NEMP2: variants seen among roughly 807,000 people sequenced by gnomAD.
NEMP2 encodes nuclear envelope integral membrane protein 2.
A neutral mutation model predicts 54.2 loss-of-function variants in NEMP2; 53 were observed. The ratio of observed to expected loss-of-function variants is 0.98; its 90% CI spans 0.78 to 1.23. The LOEUF (loss-of-function observed/expected upper bound fraction) is 1.23, where lower values mean the gene tolerates loss of function less well. Among genes scored for constraint, NEMP2 ranks in the 50% most tolerant of loss-of-function variants. The probability of loss-of-function intolerance (pLI) is 0.00; values close to 1 mark genes in which losing one functional copy is unlikely to be tolerated. For missense variants in NEMP2, 455 were observed against 511.3 expected (o/e 0.89, Z 1.06); for synonymous variants, 197 against 190.3 (o/e 1.04, Z -0.29).
At chr2:190,541,392 G>A in the NEMP2 span, among the ~76,000 whole-genome samples, 3 of 152,032 alleles carry the variant, frequency 2.0e-5, no homozygotes, top group African/African-American at 7.2e-5. The surrounding 1 kb of genome is among the most constrained non-coding windows in gnomAD (Gnocchi z 5.2). Context: ...TCTTACTACT[G>A]TTATTGCTGT....
At chr2:190,495,368 C>T in the NEMP2 span, among the ~76,000 whole-genome samples, 98,363 of 152,060 alleles carry the variant, frequency 0.65, 32,177 homozygotes, top group East Asian at 0.91. The surrounding 1 kb of genome is among the most constrained non-coding windows in gnomAD (Gnocchi z 4.7). Flanking sequence ...CAAATGGAAA[C>T]ATATCCCATG....
At chr2:190,602,007 G>C in the NEMP2 span, among the ~76,000 whole-genome samples, 9 of 152,272 alleles carry the variant, frequency 5.9e-5, no homozygotes, top group East Asian at 1.7e-3. Flanking sequence ...TACAACTCAA[G>C]CTGGCTAAAA....
At chr2:190,572,873 ATATG>A in the NEMP2 span, among the ~76,000 whole-genome samples, 29 of 110,314 alleles carry the variant, frequency 2.6e-4, no homozygotes, top group East Asian at 1.4e-3. Flanking sequence ...ATATATATAT[ATATG>A]TATATATTTT....
the NEMP2 span, among the ~76,000 whole-genome samples, chr2:190,483,949 G>A: frequency 6.6e-5 from 10 of 152,080 alleles, no homozygotes; most frequent in Non-Finnish European, 1.5e-4. Flanking sequence ...TTGGCAGTAG[G>A]TAGTGTGGAT....
chr2:190,546,133 A>G, the NEMP2 span, among the ~76,000 whole-genome samples: 1 of 152,246 alleles, frequency 6.6e-6, no homozygotes, highest in Non-Finnish European at 1.5e-5. This position sits in a 1 kb window ranked among gnomAD's most constrained non-coding sequence, Gnocchi z 5.1. Flanking sequence ...AGTGGAATGT[A>G]TAAATAATTC....
rs1208273688 is a variant in NEMP2, at chr2:190,505,206, TAATA to T, written c.*3979_*3982del. 1 of 152,180 alleles carries T rather than the reference TAATA, an allele frequency of 6.6e-6. No individual in the cohort carries two copies. Among genetic ancestry groups the T allele is most frequent in the African/African-American group, 2.4e-5 (1 of 41,454 alleles). 9.4% of individuals were successfully genotyped at this position (152,180 alleles called of 1,614,324 possible). Reference sequence around the variant, plus strand: ...TTCCTTCACTTTCTTAAAAAGATGGTAATAAATAAAGGAAGTAGAATATGAGCCC... The same window carrying T: ...TTCCTTCACTTTCTTAAAAAGATGGTAATAAAGGAAGTAGAATATGAGCCC... On this transcript the variant is annotated 3_prime_UTR_variant, in exon 9 of 9. Transcript: ENST00000409150. The surrounding 1 kb of genome is among the most constrained non-coding windows in gnomAD (Gnocchi z 5.8).
the NEMP2 span, among the ~76,000 whole-genome samples, chr2:190,585,995 C>T: frequency 6.6e-6 from 1 of 152,206 alleles, no homozygotes; most frequent in East Asian, 1.9e-4. The surrounding 1 kb of genome is among the most constrained non-coding windows in gnomAD (Gnocchi z 5.3). Flanking sequence ...TGCTTATTGC[C>T]CACACAGAGA....
chr2:190,512,989 A>T lies in NEMP2; in HGVS notation c.953+1464T>A, dbSNP rs1266240305. 6.6e-6 allele frequency among the ~76,000 whole-genome samples: 1 copy of T among 152,152 alleles called. No homozygotes were observed. The highest frequency in any genetic ancestry group is 1.9e-4 in the East Asian group (1 of 5,188). On this transcript the variant is annotated intron_variant, in intron 7 of 8. Transcript: ENST00000409150. The surrounding 1 kb of genome is among the most constrained non-coding windows in gnomAD (Gnocchi z 4.5). The stretch of plus-strand genomic sequence containing the variant: ...CCTCACAGCCAATTTTACCTCTTGA[A>T]CATTTATTCACTCCCTCTTCTAGCC...
chr2:190,453,785 A>G, the NEMP2 span, among the ~76,000 whole-genome samples: 1 of 152,200 alleles, frequency 6.6e-6, no homozygotes, highest in South Asian at 2.1e-4. Flanking sequence ...TGTTGCCCCA[A>G]ATAGCCTAAT....
the NEMP2 span, among the ~76,000 whole-genome samples, chr2:190,421,634 T>C: frequency 6.6e-6 from 1 of 152,128 alleles, no homozygotes; most frequent in Non-Finnish European, 1.5e-5. Context: ...CCAGGCTGAG[T>C]GCAGTGGTAT....
the NEMP2 span, among the ~76,000 whole-genome samples, chr2:190,474,407 A>G: frequency 0.16 from 23,707 of 152,176 alleles, 1,967 homozygotes; most frequent in East Asian, 0.3. Flanking sequence ...CCACAGAAAT[A>G]CAAACTACCA....
Position 190,508,704 on chromosome 2 carries a change from T to C in NEMP2, c.*485A>G, listed in dbSNP as rs1341748117. ...TTAGTTGACCTCAGAATACCTTTAT[T>C]GACCAACACTTGGTAGTAGCCTGTG... On this transcript the variant is annotated 3_prime_UTR_variant, in exon 9 of 9. Coordinates refer to ENST00000409150, the MANE Select transcript of NEMP2 (RefSeq NM_001142645.2). This position sits in a 1 kb window ranked among gnomAD's most constrained non-coding sequence, Gnocchi z 4.3. 1 of 154,312 alleles carries C rather than the reference T, an allele frequency of 6.5e-6. No homozygotes were observed. Among genetic ancestry groups the C allele is most frequent in the Non-Finnish European group, 1.4e-5 (1 of 69,442 alleles). 9.6% of individuals were successfully genotyped at this position (154,312 alleles called of 1,614,324 possible). A position where few individuals can be genotyped will look rare whatever the true frequency, so the allele number is the denominator to read the frequency against.
the NEMP2 span, among the ~76,000 whole-genome samples, chr2:190,445,501 T>G: frequency 2.0e-5 from 3 of 149,818 alleles, no homozygotes; most frequent in Non-Finnish European, 3.0e-5. Flanking sequence ...GAACACGAAT[T>G]TTTTTTTTCT....
chr2:190,546,083 C>T, the NEMP2 span, among the ~76,000 whole-genome samples: 1 of 152,116 alleles, frequency 6.6e-6, no homozygotes, highest in Non-Finnish European at 1.5e-5. The surrounding 1 kb of genome is among the most constrained non-coding windows in gnomAD (Gnocchi z 5.1). Flanking sequence ...AACAAAATCA[C>T]AATTTCTAGA....
the NEMP2 span, among the ~76,000 whole-genome samples, chr2:190,466,032 G>A: frequency 5.3e-5 from 8 of 152,234 alleles, no homozygotes; most frequent in South Asian, 2.1e-4. Context: ...TCAATTGTCC[G>A]TAGGGTTGGT....
chr2:190,463,942 G>A, the NEMP2 span: 29 of 957,956 alleles, frequency 3.0e-5, no homozygotes, highest in Non-Finnish European at 3.4e-5. The surrounding 1 kb of genome is among the most constrained non-coding windows in gnomAD (Gnocchi z 4.4). Context: ...GAGGCAGACT[G>A]TAGACTGTGC....
At chr2:190,436,756 A>C in the NEMP2 span, 1 of 1,614,202 alleles carries the variant, frequency 6.2e-7, no homozygotes. This position sits in a 1 kb window ranked among gnomAD's most constrained non-coding sequence, Gnocchi z 5.3. Flanking sequence ...CTTGACTTTG[A>C]ACTCAAGCAC....
upstream of NEMP2, chr2:190,535,859 C>T (rs1200320772): frequency 1.3e-5 from 2 of 152,058 alleles, no homozygotes; most frequent in Non-Finnish European, 2.9e-5. Context: ...AGCCCTGATC[C>T]AATTCTTTCC....
In NEMP2 at chr2:190,530,264, C is replaced by T. The variant is rs1057201358; in HGVS notation, c.97+4295G>A. ...TTTCCCTCGAATTCTCCAGAGTGGC[C>T]TCTGGCTTTTGAGGTGAAGCTGATG... On this transcript the variant is annotated intron_variant, in intron 1 of 8. Coordinates refer to ENST00000409150, the MANE Select transcript of NEMP2 (RefSeq NM_001142645.2). This position sits in a 1 kb window ranked among gnomAD's most constrained non-coding sequence, Gnocchi z 4.6. Among the ~76,000 whole-genome samples, 1 of 152,208 alleles carries T rather than the reference C, an allele frequency of 6.6e-6. No individual in the cohort carries two copies. Among genetic ancestry groups the T allele is most frequent in the Non-Finnish European group, 1.5e-5 (1 of 68,038 alleles).
Sources: allele counts gnomAD v4.1 joint callset (sites outside exome capture counted in the v4.1 genomes callset), GRCh38; gene constraint gnomAD v4.1.1; non-coding constraint Gnocchi (gnomAD v3.1); transcripts MANE v1.5; gene names NCBI Gene and HGNC (gene_info 2026-07-23, HGNC 2026-07-21).